The following PSD3 variants were observed in gnomAD, a reference collection of about 807,000 sequenced individuals.
PSD3 encodes PH and SEC7 domain-containing protein 3.
In PSD3, 49 loss-of-function variants were observed where a neutral mutation model predicts 105.5. The observed-to-expected ratio is 0.46, with a 90% CI of 0.37 to 0.59. The LOEUF is 0.59. Among genes scored for constraint, PSD3 ranks in the 20% least tolerant of loss-of-function variants. PSD3 has a pLI of 0.00. For missense variants in PSD3, 1,561 were observed against 1,263.8 expected, an observed-to-expected ratio of 1.24 and a Z score of -3.57; for synonymous variants, 557 against 457.8, an observed-to-expected ratio of 1.22 and a Z score of -2.77.
Position 18,535,926 on chromosome 8 carries a change from G to A in PSD3, c.2961C>T (p.Leu987=). 1.2e-6 allele frequency: 2 copies of A among 1,614,126 alleles called. No homozygotes were observed. Among genetic ancestry groups the A allele is most frequent in the South Asian group, 2.2e-5 (2 of 91,080 alleles). ...KTRYEMYVSI[L]KEGGKELLSN... is the part of the protein sequence containing the mutation. Reference sequence around the variant, plus strand: ...TCAGTAGCTCTTTGCCTCCTTCCTTGAGAATGCTGACATACATTTCATAGC... The same window carrying A: ...TCAGTAGCTCTTTGCCTCCTTCCTTAAGAATGCTGACATACATTTCATAGC... The change falls in exon 16 of 16, where the codon CTC becomes CTT. Residue 987 remains leucine (L), a synonymous_variant. Coordinates refer to ENST00000327040, the MANE Select transcript of PSD3 (RefSeq NM_015310.4).
chr8:18,806,244 C>A (rs1811185913), intron 4 of PSD3, among the ~76,000 whole-genome samples: 1 of 152,156 alleles, frequency 6.6e-6, no homozygotes, highest in African/African-American at 2.4e-5. Context: ...AAGACCTCCA[C>A]TATTGTTTTT....
At chr8:18,712,776 T>A (rs1209358283) in intron 9 of PSD3, among the ~76,000 whole-genome samples, 1 of 152,140 alleles carries the variant, frequency 6.6e-6, no homozygotes, top group East Asian at 1.9e-4. Context: ...CCTCCCTTAC[T>A]CGCGTTATGA....
At chr8:19,083,821 G>T (rs4379486) in intron 1 of PSD3, among the ~76,000 whole-genome samples, 52,027 of 151,926 alleles carry the variant, frequency 0.34, 9,480 homozygotes, top group East Asian at 0.68. Flanking sequence ...ATTTCTCAAA[G>T]TGGTTAAGAT....
In PSD3 at chr8:18,771,683, A is replaced by T. The variant is rs564004611; in HGVS notation, c.2083-6145T>A. On this transcript the variant is annotated intron_variant, in intron 8 of 15. Coordinates refer to ENST00000327040, the MANE Select transcript of PSD3 (RefSeq NM_015310.4). Reference sequence around the variant, plus strand: ...TGGGATTATTTTTAGACACTTGATTATACTGCAATGATCTAGCTGTTGAGC... The same window carrying T: ...TGGGATTATTTTTAGACACTTGATTTTACTGCAATGATCTAGCTGTTGAGC... 2.6e-5 allele frequency among the ~76,000 whole-genome samples: 4 copies of T among 152,360 alleles called. No homozygotes were observed. The South Asian group carries it at 8.3e-4, about 32-fold the overall frequency.
At chr8:18,799,661 C>G (rs1372194008) in intron 7 of PSD3, among the ~76,000 whole-genome samples, 1 of 152,060 alleles carries the variant, frequency 6.6e-6, no homozygotes, top group African/African-American at 2.4e-5. Context: ...TGCACTACAG[C>G]AATAATTAGT....
At chr8:18,879,088 G>GCA (rs71545536) in intron 2 of PSD3, among the ~76,000 whole-genome samples, 9,295 of 93,550 alleles carry the variant, frequency 0.099, 284 homozygotes, top group South Asian at 0.14. Context: ...ACACACACAC[G>GCA]CACACACAAC....
intron 11 of PSD3, among the ~76,000 whole-genome samples, chr8:18,626,396 C>T (rs1004852784): frequency 7.2e-5 from 11 of 152,084 alleles, no homozygotes; most frequent in Admixed American, 2.6e-4. Context: ...GTCATCAGAG[C>T]ACCTGGCCAG....
chr8:18,957,489 G>A (rs960785249), intron 1 of PSD3, among the ~76,000 whole-genome samples: 2 of 151,838 alleles, frequency 1.3e-5, no homozygotes, highest in African/African-American at 4.8e-5. Flanking sequence ...GAATCCACGG[G>A]CCCAACAGCT....
intron 9 of PSD3, among the ~76,000 whole-genome samples, chr8:18,675,647 T>C (rs569692359): frequency 1.3e-5 from 2 of 152,320 alleles, no homozygotes; most frequent in South Asian, 2.1e-4. Flanking sequence ...TCAGGTGATC[T>C]ACGTGTCCAA....
intron 9 of PSD3, among the ~76,000 whole-genome samples, chr8:18,725,902 C>A (rs559043765): frequency 6.6e-6 from 1 of 152,312 alleles, no homozygotes; most frequent in South Asian, 2.1e-4. Flanking sequence ...AAATGCCAAG[C>A]TGTAGCCAGG....
At chr8:18,732,844 T>A (rs1803869120) in intron 9 of PSD3, 1 of 151,822 alleles carries the variant, frequency 6.6e-6, no homozygotes, top group South Asian at 2.1e-4. Flanking sequence ...TTTTCACAGA[T>A]ATTCTACCAC....
In PSD3 at chr8:18,826,207, G is replaced by A. The variant is rs1169701708; in HGVS notation, c.1635-21309C>T. Among the ~76,000 whole-genome samples, 6 of 152,100 alleles carry A rather than the reference G, an allele frequency of 3.9e-5. No homozygotes were observed. In the East Asian group the frequency reaches 5.8e-4, roughly 15 times the overall value. On this transcript the variant is annotated intron_variant, in intron 4 of 15. Transcript: ENST00000327040. ...CAATCTAAATTATCAGCTCTCTGTC[G>A]CTCAGGCCTTCCAACAACACCAGAG...
At chr8:18,837,311 T>C (rs904530547) in intron 4 of PSD3, among the ~76,000 whole-genome samples, 3 of 152,162 alleles carry the variant, frequency 2.0e-5, no homozygotes, top group African/African-American at 7.2e-5. Flanking sequence ...CACTGCTTTG[T>C]GGTAAGCAAG....
chr8:18,752,365 G>C lies in PSD3; in HGVS notation c.2172+13084C>G, dbSNP rs370155310. Among the ~76,000 whole-genome samples the C allele has an allele frequency of 3.4e-5, 5 of 145,876 alleles. No individual in the cohort carries two copies. In the East Asian group the frequency reaches 1.0e-3, roughly 29 times the overall value. On this transcript the variant is annotated intron_variant, in intron 9 of 15. Transcript: ENST00000327040. The stretch of plus-strand genomic sequence containing the variant: ...GTATGAGGCATACTGTGGCCAACAG[G>C]AGGGTCTCTTGTCCTTAAGAATACT...
rs115977249 is a variant in PSD3 at position 19,045,408 on chromosome 8, A to T, written c.324+38798T>A. On this transcript the variant is annotated intron_variant, in intron 1 of 1. Transcript: ENST00000521475. ...TCATATATCTCTCATTTTGAATTTA[A>T]CAAAAGTGTTAAGGGAGGTGAGACT... Among the ~76,000 whole-genome samples, 1,396 of 152,330 alleles carry T rather than the reference A, an allele frequency of 9.2e-3. 20 individuals carry two copies. The highest frequency in any genetic ancestry group is 0.03 in the African/African-American group (1,250 of 41,578).
intron 9 of PSD3, among the ~76,000 whole-genome samples, chr8:18,717,335 G>C (rs1219941411): frequency 1.3e-5 from 2 of 152,082 alleles, no homozygotes; most frequent in East Asian, 1.9e-4. Flanking sequence ...TTTAAAAATT[G>C]TTCCAGAATG....
intron 14 of PSD3, 104 bp from the exon 15 acceptor site, chr8:18,556,456 C>T (rs1801080136): frequency 1.7e-6 from 2 of 1,180,664 alleles, no homozygotes; most frequent in Non-Finnish European, 1.2e-6. Flanking sequence ...CTTTAATTCA[C>T]TAAAACAGCC....
chr8:18,821,894 A>T (rs1459182333), intron 4 of PSD3, among the ~76,000 whole-genome samples: 1 of 152,058 alleles, frequency 6.6e-6, no homozygotes, highest in Non-Finnish European at 1.5e-5. Flanking sequence ...ACACACACAC[A>T]CACACACAAA....
At chr8:18,536,015 G>A in intron 15 of PSD3, 57 bp from the exon 16 acceptor site, 1 of 1,514,744 alleles carries the variant, frequency 6.6e-7, no homozygotes, top group Non-Finnish European at 9.1e-7. Flanking sequence ...ATGCACGTGT[G>A]CAGCACACTT....
Sources: gnomAD v4.1 joint callset for allele counts (sites outside exome capture counted in the v4.1 genomes callset) on GRCh38, gnomAD v4.1.1 for gene constraint, MANE v1.5 for transcripts, NCBI Gene and HGNC (gene_info 2026-07-23, HGNC 2026-07-21) for gene names.